Variants in RP1 observed in about 807,000 individuals in gnomAD.
The protein encoded by RP1 is oxygen-regulated protein 1.
RP1 carries 16 observed loss-of-function variants against 14.8 expected under a neutral mutation model. The observed-to-expected ratio is 1.08, with a 90% CI of 0.73 to 1.65. The LOEUF (loss-of-function observed/expected upper bound fraction) is 1.65. Among genes scored for constraint, RP1 ranks in the 40% most tolerant of loss-of-function variants. The pLI is 0.00. For synonymous variants in RP1, 876 were observed against 883.6 expected (o/e 0.99, Z 0.15); for missense variants, 2,631 against 2,535.0 (o/e 1.04, Z -0.81).
intron 4 of RP1, among the ~76,000 whole-genome samples, chr8:54,651,299 A>G (rs888623854): frequency 2.0e-5 from 3 of 152,198 alleles, no homozygotes; most frequent in Admixed American, 2.0e-4. Flanking sequence ...ACCTTGCAGA[A>G]TGAGTTAAAA....
chr8:54,782,607 A>G (rs987606219), intron 23 of RP1, among the ~76,000 whole-genome samples: 6 of 152,162 alleles, frequency 3.9e-5, no homozygotes, highest in Admixed American at 1.3e-4. Context: ...GTAGAGGTGC[A>G]TGCACTGCAC....
chr8:54,774,046 T>C (rs1490049104), downstream of RP1, among the ~76,000 whole-genome samples: 2 of 152,200 alleles, frequency 1.3e-5, no homozygotes, highest in African/African-American at 2.4e-5. Context: ...TAGTCTCAGC[T>C]AAACATGATT....
chr8:54,695,571 C>T (rs1482684514), intron 12 of RP1, among the ~76,000 whole-genome samples: 1 of 151,822 alleles, frequency 6.6e-6, no homozygotes, highest in Non-Finnish European at 1.5e-5. Context: ...TAAATTAAAC[C>T]AGAAAATTAT....
chr8:54,640,464 T>C (rs545681505), intron 3 of RP1, among the ~76,000 whole-genome samples: 1 of 152,328 alleles, frequency 6.6e-6, no homozygotes, highest in South Asian at 2.1e-4. Flanking sequence ...CATTTTTCCT[T>C]TTTAAACTGC....
rs751925476 is a variant in RP1, at chr8:54,626,378, T to C, written c.2496T>C (p.Asp832=). 6.7e-5 allele frequency: 108 copies of C among 1,613,432 alleles called. No individual in the cohort carries two copies. Among genetic ancestry groups the C allele is most frequent in the Middle Eastern group, 3.3e-4 (2 of 6,080 alleles). ...ACATCCTTGAGCAAAAACCCAAAGA[T>C]TTTTATGCACCGCAATCTCAAGCAG... ...VFNILEQKPK[D]FYAPQSQAEV... Residue 832 remains aspartate (D), a synonymous_variant, in exon 4 of 4, where the codon GAT becomes GAC. Coordinates refer to ENST00000220676, the MANE Select transcript of RP1 (RefSeq NM_006269.2).
At chr8:54,837,400 A>C (rs1418650372) in intron 24 of RP1, 8 of 797,324 alleles carry the variant, frequency 1.0e-5, no homozygotes, top group Non-Finnish European at 1.2e-5. Flanking sequence ...ATGAATTTGG[A>C]AATTGGAGAT....
At chr8:54,643,015 G>A (rs908807221) in intron 3 of RP1, among the ~76,000 whole-genome samples, 7 of 151,382 alleles carry the variant, frequency 4.6e-5, no homozygotes, top group Admixed American at 1.3e-4. Flanking sequence ...TTAATAAATT[G>A]CCTATTCATA....
intron 24 of RP1, among the ~76,000 whole-genome samples, chr8:54,789,535 C>G (rs1810409882): frequency 6.6e-6 from 1 of 152,168 alleles, no homozygotes; most frequent in Non-Finnish European, 1.5e-5. Context: ...ACCTGTGTCC[C>G]TGCCTGACCA....
At chr8:54,818,018 C>G (rs1400131689) in intron 24 of RP1, among the ~76,000 whole-genome samples, 1 of 152,160 alleles carries the variant, frequency 6.6e-6, no homozygotes, top group Non-Finnish European at 1.5e-5. Flanking sequence ...GAAATGCCCA[C>G]AACCAGAGTT....
chr8:54,631,561 A>G, downstream of RP1, among the ~76,000 whole-genome samples: 1 of 150,876 alleles, frequency 6.6e-6, no homozygotes, highest in Non-Finnish European at 1.5e-5. Context: ...TTTTAAGTAG[A>G]GAAGTTAGGA....
chr8:54,787,949 G>T (rs1810366142), intron 24 of RP1, among the ~76,000 whole-genome samples: 1 of 152,176 alleles, frequency 6.6e-6, no homozygotes, highest in African/African-American at 2.4e-5. Flanking sequence ...TTTGTAAAAT[G>T]AGTGCAACAA....
intron 7 of RP1, among the ~76,000 whole-genome samples, chr8:54,670,771 C>A (rs1807163550): frequency 7.0e-6 from 1 of 143,570 alleles, no homozygotes; most frequent in Admixed American, 7.1e-5. Flanking sequence ...TGTCTCGTGA[C>A]AGTTTTGGAA....
chr8:54,679,752 G>T, intron 11 of RP1: 2 of 1,528,206 alleles, frequency 1.3e-6, no homozygotes, highest in South Asian at 2.4e-5. Flanking sequence ...TCTTCTCTTT[G>T]TTTCTTCTCA....
intron 3 of RP1, among the ~76,000 whole-genome samples, chr8:54,636,502 C>T (rs1000829360): frequency 1.3e-5 from 2 of 152,186 alleles, no homozygotes; most frequent in South Asian, 2.1e-4. Context: ...CTTTGGGAGG[C>T]CAAGGCAGGT....
intron 18 of RP1, among the ~76,000 whole-genome samples, chr8:54,735,922 G>A (rs1295393996): frequency 1.3e-5 from 2 of 152,124 alleles, no homozygotes; most frequent in African/African-American, 4.8e-5. Context: ...ATCTTGGAAT[G>A]GATGGTATAG....
intron 7 of RP1, among the ~76,000 whole-genome samples, chr8:54,670,523 G>GTA (rs1449392165): frequency 0.14 from 4,561 of 32,548 alleles, 982 homozygotes; most frequent in Non-Finnish European, 0.25. Context: ...ATATGTATGT[G>GTA]TATATATATA....
At position 54,630,685 on chromosome 8, in the gene RP1, A is replaced by C; in HGVS notation, c.*332A>C. The C allele has an allele frequency of 1.8e-6, 2 of 1,104,828 alleles. No homozygotes were observed. Among genetic ancestry groups the C allele is most frequent in the Non-Finnish European group, 2.2e-6 (2 of 904,798 alleles). The allele number at this position is 1,104,828 out of a possible 1,614,324, so 68.4% of individuals were successfully genotyped here. ...ACAAGAATTATATCCTTTTTAAAAA[A>C]TGTTGTTAGCTTGGTGTAAAATGTA... is the stretch of plus-strand genomic sequence containing the variant. On this transcript the variant is annotated 3_prime_UTR_variant, in exon 4 of 4. Coordinates refer to ENST00000220676, the MANE Select transcript of RP1 (RefSeq NM_006269.2).
chr8:54,827,510 T>A (rs1811410613), intron 24 of RP1, among the ~76,000 whole-genome samples: 1 of 152,016 alleles, frequency 6.6e-6, no homozygotes, highest in African/African-American at 2.4e-5. Flanking sequence ...TAAATGTTTT[T>A]CTAGAGATGG....
intron 25 of RP1, among the ~76,000 whole-genome samples, chr8:54,842,157 G>A (rs1038045949): frequency 7.9e-5 from 12 of 152,128 alleles, no homozygotes; most frequent in Non-Finnish European, 1.8e-4. Context: ...ATATGTGAGG[G>A]GAAAACATGG....
Sources: allele counts gnomAD v4.1 joint callset (sites outside exome capture counted in the v4.1 genomes callset), GRCh38; gene constraint gnomAD v4.1.1; transcripts MANE v1.5; gene names NCBI Gene and HGNC (gene_info 2026-07-23, HGNC 2026-07-21).